HTN3: variants seen among roughly 807,000 people sequenced by gnomAD.
HTN3 encodes histatin 3, also known as histatin-3.
A neutral mutation model predicts 10.6 loss-of-function variants in HTN3; 15 were observed. The ratio of observed to expected loss-of-function variants is 1.42; its 90% confidence interval spans 0.95 to 2.18. HTN3 has a LOEUF of 2.18. Among genes scored for constraint, HTN3 ranks in the 30% most tolerant of loss-of-function variants. The pLI is 0.00. For missense variants in HTN3, 68 were observed against 58.0 expected (o/e 1.17, Z -0.56); for synonymous variants, 15 against 16.9 (o/e 0.89, Z 0.27).
intron 1 of HTN3, among the ~76,000 whole-genome samples, chr4:70,030,394 G>A (rs1231775910): frequency 2.0e-5 from 3 of 152,156 alleles, no homozygotes; most frequent in Non-Finnish European, 2.9e-5. Context: ...GAAAGGCCAA[G>A]GCAGGAAGAT....
intron 5 of HTN3, among the ~76,000 whole-genome samples, chr4:70,035,470 T>G (rs748613522): frequency 6.6e-6 from 1 of 152,152 alleles, no homozygotes; most frequent in Non-Finnish European, 1.5e-5. Context: ...CTGTACCTGG[T>G]TGTTATTTGA....
intron 4 of HTN3, among the ~76,000 whole-genome samples, chr4:70,032,481 C>A (rs1284250261): frequency 6.6e-6 from 1 of 151,970 alleles, no homozygotes; most frequent in Non-Finnish European, 1.5e-5. Context: ...AATGTGGTTT[C>A]TATCTTATAA....
At chr4:70,029,297 A>G (rs1156922350) in intron 1 of HTN3, among the ~76,000 whole-genome samples, 4 of 151,970 alleles carry the variant, frequency 2.6e-5, no homozygotes, top group Admixed American at 6.6e-5. Context: ...AAAGAGTCAT[A>G]ATTTGATTTA....
At chr4:70,029,462 GAGT>G (rs1389060874) in intron 1 of HTN3, among the ~76,000 whole-genome samples, 4 of 152,038 alleles carry the variant, frequency 2.6e-5, no homozygotes, top group Non-Finnish European at 5.9e-5. Context: ...GGCTGTTTAA[GAGT>G]AGGACATTTT....
At position 70,033,568 on chromosome 4, in the gene HTN3, T is replaced by C. The variant is rs1469461057; in HGVS notation, c.*33+315T>C. The C allele has an allele frequency of 4.5e-5, 8 of 176,478 alleles. No individual in the cohort carries two copies. In the South Asian group the frequency reaches 1.2e-3, roughly 26 times the overall value. The allele number at this position is 176,478 out of a possible 1,614,324, so 10.9% of individuals were successfully genotyped here. On this transcript the variant is annotated intron_variant, in intron 5 of 5. Coordinates refer to ENST00000673563, the MANE Select transcript of HTN3 (RefSeq NM_000200.3). ...GTGATGCCTTCAGCTTTGTTCCTTTTGCTTACAATTGTCTTGTGTATATGA... is the reference window on the plus strand; with the variant it reads ...GTGATGCCTTCAGCTTTGTTCCTTTCGCTTACAATTGTCTTGTGTATATGA...
chr4:70,036,151 T>C (rs1376329191), intron 5 of HTN3, 116 bp from the exon 6 acceptor site: 1 of 152,196 alleles, frequency 6.6e-6, no homozygotes, highest in Non-Finnish European at 1.5e-5. Flanking sequence ...TTTTGGTCCC[T>C]GCATTATAAT....
chr4:70,030,836 T>G, intron 2 of HTN3, 45 bp downstream of exon 2: 1 of 1,397,492 alleles, frequency 7.2e-7, no homozygotes, highest in Non-Finnish European at 1.0e-6. Context: ...TCAGTACTTA[T>G]CCCAAGGATC....
intron 2 of HTN3, 105 bp from the exon 3 acceptor site, chr4:70,031,874 C>G: frequency 1.3e-6 from 1 of 762,724 alleles, no homozygotes; most frequent in South Asian, 1.6e-5. Context: ...CCAAAGAATG[C>G]CTCCATTCTA....
At chr4:70,031,599 T>A (rs1242964796) in intron 2 of HTN3, among the ~76,000 whole-genome samples, 1 of 152,124 alleles carries the variant, frequency 6.6e-6, no homozygotes, top group East Asian at 1.9e-4. Flanking sequence ...ACAATGCCTG[T>A]CTCTATCAGC....
chr4:70,031,401 C>T (rs1406037462), intron 2 of HTN3: 1 of 150,748 alleles, frequency 6.6e-6, no homozygotes, highest in Non-Finnish European at 1.4e-5. Context: ...TCTTCCCACT[C>T]CTCCTCTTCT....
rs773467628 is a variant in HTN3 at position 70,030,752 on chromosome 4, T to C, written c.12T>C (p.Phe4=). Residue 4 remains phenylalanine (F), a synonymous_variant, in exon 2 of 6, where the codon TTT becomes TTC. Coordinates refer to ENST00000673563, the MANE Select transcript of HTN3 (RefSeq NM_000200.3). Reference sequence around the variant, plus strand: ...GGACTCAGCCAACTATGAAGTTTTTTGTTTTTGCTTTAATCTTGGCTCTCA... The same window carrying C: ...GGACTCAGCCAACTATGAAGTTTTTCGTTTTTGCTTTAATCTTGGCTCTCA... The part of the protein sequence containing the change: MKF[F]VFALILALML... The C allele has an allele frequency of 1.2e-6, 2 of 1,612,318 alleles. No individual in the cohort carries two copies. The highest frequency in any genetic ancestry group is 2.2e-5 in the East Asian group (1 of 44,834).
rs78169960 is a variant in HTN3 at position 70,032,094 on chromosome 4, A to G, written c.89A>G (p.Lys30Arg). 11,676 of 1,526,562 alleles carry G rather than the reference A, an allele frequency of 7.6e-3. 62 individuals are homozygous for G. The highest frequency in any genetic ancestry group is 9.5e-3 in the Non-Finnish European group (10,552 of 1,107,382). The allele number at this position is 1,526,562 out of a possible 1,614,324, so 94.6% of individuals were successfully genotyped here. Residue 30 changes from lysine (K) to arginine (R), a missense_variant, in exon 4 of 6, where the codon AAA becomes AGA. Transcript: ENST00000673563. ...DSHAKRHHGY[K>R]RKFHEKHHSH... is the part of the protein sequence containing the mutation. Reference sequence around the variant, plus strand: ...ATTTCATAGAGACATCATGGGTATAAAAGAAAATTCCATGTAAGTGTTCTT... The same window carrying G: ...ATTTCATAGAGACATCATGGGTATAGAAGAAAATTCCATGTAAGTGTTCTT...
intron 4 of HTN3, 41 bp downstream of exon 4, chr4:70,032,148 C>T: frequency 1.6e-6 from 2 of 1,253,336 alleles, no homozygotes; most frequent in South Asian, 1.3e-5. Flanking sequence ...AATAAGTTTT[C>T]TTCTCTGACT....
intron 5 of HTN3, among the ~76,000 whole-genome samples, chr4:70,035,344 G>A (rs745330569): frequency 1.8e-4 from 28 of 152,100 alleles, no homozygotes; most frequent in Admixed American, 5.2e-4. Context: ...ACAAATACAT[G>A]TTATAATAAT....
Position 70,035,542 on chromosome 4 carries a change from GA to G in HTN3, c.*34-724del, listed in dbSNP as rs1725495733. On this transcript the variant is annotated intron_variant, in intron 5 of 5. Coordinates refer to ENST00000673563, the MANE Select transcript of HTN3 (RefSeq NM_000200.3). ...GCACAACCGCCATCTGGGAACTCAT[GA>G]GAAATTTACGTTTTATGCCTAAGTA... 6.6e-5 allele frequency among the ~76,000 whole-genome samples: 10 copies of G among 152,270 alleles called. No homozygotes were observed. In the South Asian group the frequency reaches 2.1e-3, roughly 32 times the overall value.
At chr4:70,029,026 C>T (rs1049054384) in intron 1 of HTN3, among the ~76,000 whole-genome samples, 1 of 151,944 alleles carries the variant, frequency 6.6e-6, no homozygotes, top group Non-Finnish European at 1.5e-5. Flanking sequence ...TTAGTCTTCT[C>T]AATCTTACTA....
chr4:70,031,972 T>C lies in HTN3; in HGVS notation c.52-7T>C, dbSNP rs1484387214. On this transcript the variant is annotated splice_polypyrimidine_tract_variant and splice_region_variant and intron_variant, in intron 2 of 5. Transcript: ENST00000673563. ...TTAATTATTTTCTCATTTTCTTCTTTTCCAAGGGAGCTGATTCACATGCAA... is the reference window on the plus strand; with the variant it reads ...TTAATTATTTTCTCATTTTCTTCTTCTCCAAGGGAGCTGATTCACATGCAA... 6.5e-7 allele frequency: 1 copy of C among 1,539,928 alleles called. No homozygotes were observed. The highest frequency in any genetic ancestry group is 2.3e-5 in the East Asian group (1 of 44,126).
intron 1 of HTN3, among the ~76,000 whole-genome samples, chr4:70,029,994 A>G (rs1725341868): frequency 6.6e-6 from 1 of 152,188 alleles, no homozygotes; most frequent in South Asian, 2.1e-4. Flanking sequence ...ATTACTTGCC[A>G]TTCTACTTTC....
intron 1 of HTN3, among the ~76,000 whole-genome samples, chr4:70,028,875 T>C (rs1191914472): frequency 1.3e-5 from 2 of 152,138 alleles, no homozygotes; most frequent in Non-Finnish European, 2.9e-5. Flanking sequence ...TGATAGATTC[T>C]GTCTTGCAAA....
Sources: allele counts gnomAD v4.1 joint callset (sites outside exome capture counted in the v4.1 genomes callset), GRCh38; gene constraint gnomAD v4.1.1; transcripts MANE v1.5; gene names NCBI Gene and HGNC (gene_info 2026-07-23, HGNC 2026-07-21).